Variants in CELF2 observed in about 807,000 individuals in gnomAD.
The protein encoded by CELF2 is CUG triplet repeat RNA-binding protein 2.
CELF2 carries 8 observed loss-of-function variants against 62.6 expected under a neutral mutation model. The observed-to-expected ratio is 0.13, with a 90% CI of 0.07 to 0.23. CELF2 has a LOEUF of 0.23. Ranked by LOEUF, CELF2 falls within the 10% of genes least tolerant of loss-of-function variation. CELF2 has a pLI of 1.00. For missense variants in CELF2, 333 were observed against 671.0 expected, an observed-to-expected ratio of 0.50 and a Z score of 5.56; for synonymous variants, 258 against 250.0, an observed-to-expected ratio of 1.03 and a Z score of -0.30.
At chr10:10,753,299 C>CTGTGTGTGTG in the CELF2 span, among the ~76,000 whole-genome samples, 3,580 of 149,872 alleles carry the variant, frequency 0.024, 105 homozygotes, top group Admixed American at 0.06. Context: ...TTCCAAAGCT[C>CTGTGTGTGTG]TGTGTGTGTG....
the CELF2 span, among the ~76,000 whole-genome samples, chr10:10,711,663 C>G: frequency 6.6e-6 from 1 of 152,168 alleles, no homozygotes; most frequent in Non-Finnish European, 1.5e-5. Flanking sequence ...AGGAAGATCA[C>G]TTGAGGTCAG....
At chr10:10,522,177 A>C in the CELF2 span, among the ~76,000 whole-genome samples, 2 of 152,230 alleles carry the variant, frequency 1.3e-5, no homozygotes, top group Non-Finnish European at 2.9e-5. Context: ...GCCCTTCTCC[A>C]CATGTTGTTT....
chr10:10,857,603 G>T (rs1332861261), intron 1 of CELF2, among the ~76,000 whole-genome samples: 2 of 138,964 alleles, frequency 1.4e-5, no homozygotes, highest in Non-Finnish European at 1.5e-5. Flanking sequence ...TGTAAAGATG[G>T]TGAACTATAT....
chr10:11,032,171 A>AAAAAAAAAAAAAAAAAAG (rs2060234677), intron 1 of CELF2, among the ~76,000 whole-genome samples: 1 of 141,704 alleles, frequency 7.1e-6, no homozygotes, highest in Admixed American at 7.2e-5. Flanking sequence ...AAAAAAAAAA[A>AAAAAAAAAAAAAAAAAAG]TTGCTTCCAG....
intron 2 of CELF2, among the ~76,000 whole-genome samples, chr10:10,959,867 C>T (rs181908338): frequency 2.6e-5 from 4 of 152,292 alleles, no homozygotes; most frequent in East Asian, 1.9e-4. Flanking sequence ...AGGTGTGAAC[C>T]GTTACAACAT....
At chr10:11,293,005 C>T (rs1167621460) in intron 9 of CELF2, among the ~76,000 whole-genome samples, 6 of 152,206 alleles carry the variant, frequency 3.9e-5, no homozygotes, top group Non-Finnish European at 8.8e-5. Context: ...CTGTTGGCAA[C>T]TGCGGTCTAG....
chr10:10,782,238 C>G, the CELF2 span, among the ~76,000 whole-genome samples: 3 of 152,224 alleles, frequency 2.0e-5, no homozygotes. Flanking sequence ...GATCTGCCAG[C>G]AGTGAACTGG....
intron 1 of CELF2, among the ~76,000 whole-genome samples, chr10:10,811,448 T>G (rs1374944453): frequency 6.6e-6 from 1 of 152,086 alleles, no homozygotes; most frequent in Admixed American, 6.5e-5. Flanking sequence ...CTGCCACCTG[T>G]AGATGTTAGG....
intron 2 of CELF2, among the ~76,000 whole-genome samples, chr10:11,199,011 T>C (rs931293970): frequency 6.6e-6 from 1 of 152,200 alleles, no homozygotes; most frequent in Non-Finnish European, 1.5e-5. Flanking sequence ...TGGCCTTGTA[T>C]AGACCAAGAG....
chr10:10,596,709 C>T, the CELF2 span, among the ~76,000 whole-genome samples: 9 of 152,350 alleles, frequency 5.9e-5, no homozygotes, highest in South Asian at 1.7e-3. Flanking sequence ...TGTCCTTCAC[C>T]CATTTCTCAG....
chr10:10,958,300 C>T (rs888027259), intron 2 of CELF2, among the ~76,000 whole-genome samples: 19 of 152,168 alleles, frequency 1.2e-4, no homozygotes, highest in African/African-American at 3.9e-4. Context: ...AAGTCCTGTG[C>T]GTCCCAATTC....
chr10:11,205,743 C>T (rs774215203), intron 2 of CELF2, among the ~76,000 whole-genome samples: 9 of 152,172 alleles, frequency 5.9e-5, no homozygotes, highest in African/African-American at 1.7e-4. Context: ...AAATGATTTC[C>T]GCTGTTCCAG....
At chr10:10,851,296 T>G (rs542022548) in intron 1 of CELF2, among the ~76,000 whole-genome samples, 7 of 152,332 alleles carry the variant, frequency 4.6e-5, no homozygotes, top group African/African-American at 1.7e-4. Flanking sequence ...AAATGAACAT[T>G]TCATTTCTCA....
At chr10:10,925,176 A>G (rs770705486) in intron 2 of CELF2, 1 of 152,104 alleles carries the variant, frequency 6.6e-6, no homozygotes, top group African/African-American at 2.4e-5. Context: ...ACGCAATGCC[A>G]TTTTCTGAAA....
intron 3 of CELF2, among the ~76,000 whole-genome samples, chr10:11,229,625 C>T (rs900965800): frequency 1.3e-5 from 2 of 149,614 alleles, no homozygotes; most frequent in African/African-American, 2.5e-5. Context: ...GAGACAGTCT[C>T]GCTCTGTTGG....
At chr10:10,540,311 G>A in the CELF2 span, among the ~76,000 whole-genome samples, 1 of 152,152 alleles carries the variant, frequency 6.6e-6, no homozygotes, top group Non-Finnish European at 1.5e-5. Flanking sequence ...ACAGCTCCCT[G>A]GCTCCTAGCA....
chr10:10,472,400 A>C, the CELF2 span, among the ~76,000 whole-genome samples: 1 of 151,924 alleles, frequency 6.6e-6, no homozygotes, highest in Middle Eastern at 3.4e-3. Flanking sequence ...AAATTTATCA[A>C]ATTTTTTAGT....
chr10:11,162,289 C>T (rs1008830814), intron 1 of CELF2, among the ~76,000 whole-genome samples: 1 of 151,220 alleles, frequency 6.6e-6, no homozygotes, highest in Non-Finnish European at 1.5e-5. Flanking sequence ...ATTTCGGCAG[C>T]GCCAGGAGAG....
At chr10:10,473,979 A>G in the CELF2 span, among the ~76,000 whole-genome samples, 1 of 152,096 alleles carries the variant, frequency 6.6e-6, no homozygotes, top group Non-Finnish European at 1.5e-5. Flanking sequence ...TTCAGAAACA[A>G]ACTACTACTT....
Sources: allele counts gnomAD v4.1 joint callset (sites outside exome capture counted in the v4.1 genomes callset), GRCh38; gene constraint gnomAD v4.1.1; transcripts MANE v1.5; gene names NCBI Gene and HGNC (gene_info 2026-07-23, HGNC 2026-07-21).